The following EYS variants were observed in gnomAD, a reference collection of about 807,000 sequenced individuals.
EYS encodes protein eyes shut homolog.
EYS carries 250 observed loss-of-function variants against 282.1 expected under a neutral mutation model. The observed-to-expected ratio is 0.89, with a 90% CI of 0.80 to 0.98. The LOEUF is 0.98. Ranked by LOEUF, EYS falls within the 50% of genes least tolerant of loss-of-function variation. EYS has a pLI of 0.00. For synonymous variants in EYS, 1,355 were observed against 1,282.9 expected, an observed-to-expected ratio of 1.06 and a Z score of -1.20; for missense variants, 4,016 against 3,709.0, an observed-to-expected ratio of 1.08 and a Z score of -2.15.
intron 14 of EYS, among the ~76,000 whole-genome samples, chr6:64,973,284 T>G (rs981558300): frequency 6.6e-5 from 10 of 152,044 alleles, no homozygotes; most frequent in Non-Finnish European, 5.9e-5. Flanking sequence ...TTCTATGTAC[T>G]AGGCACTAGC....
At chr6:65,529,243 C>G (rs1310950192) in intron 2 of EYS, among the ~76,000 whole-genome samples, 1 of 152,104 alleles carries the variant, frequency 6.6e-6, no homozygotes, top group Non-Finnish European at 1.5e-5. Context: ...AAAATTATCT[C>G]AACCTTATGA....
At chr6:64,498,020 G>T (rs947775380) in intron 26 of EYS, among the ~76,000 whole-genome samples, 3 of 152,126 alleles carry the variant, frequency 2.0e-5, no homozygotes, top group Non-Finnish European at 2.9e-5. Flanking sequence ...GGTATAGTTA[G>T]AGTTAATGAT....
intron 30 of EYS, among the ~76,000 whole-genome samples, chr6:64,248,822 A>C (rs2150347332): frequency 6.6e-6 from 1 of 152,212 alleles, no homozygotes; most frequent in South Asian, 2.1e-4. Flanking sequence ...TGGGGGACCA[A>C]GGCAGGCGAA....
At chr6:64,854,725 T>G (rs1310773175) in intron 19 of EYS, among the ~76,000 whole-genome samples, 1 of 152,088 alleles carries the variant, frequency 6.6e-6, no homozygotes, top group African/African-American at 2.4e-5. Context: ...ACATGTACCC[T>G]AACAGTTAAA....
intron 15 of EYS, among the ~76,000 whole-genome samples, chr6:64,930,461 T>TAAAAAAAAAAAAAAAAAA (rs55650031): frequency 1.6e-5 from 2 of 123,032 alleles, no homozygotes; most frequent in Non-Finnish European, 1.7e-5. Context: ...ATAAATAAGG[T>TAAAAAAAAAAAAAAAAAA]AAAAAAAAAA....
intron 13 of EYS, among the ~76,000 whole-genome samples, chr6:65,020,131 C>A (rs1772203211): frequency 6.6e-6 from 1 of 152,044 alleles, no homozygotes; most frequent in Non-Finnish European, 1.5e-5. Context: ...TGGCCCCTCC[C>A]AAATCTCATG....
At chr6:64,310,944 C>T (rs574450635) in intron 29 of EYS, among the ~76,000 whole-genome samples, 103 of 151,968 alleles carry the variant, frequency 6.8e-4, no homozygotes, top group African/African-American at 2.5e-3. Context: ...TTCTGTAAGG[C>T]TAAATTTATC....
At chr6:65,056,848 A>C (rs1445059240) in intron 13 of EYS, among the ~76,000 whole-genome samples, 7 of 152,206 alleles carry the variant, frequency 4.6e-5, no homozygotes, top group Non-Finnish European at 1.0e-4. Flanking sequence ...CAACTAAATG[A>C]GCTAGATATA....
intron 2 of EYS, among the ~76,000 whole-genome samples, chr6:65,500,970 T>C (rs1195560379): frequency 2.0e-5 from 3 of 152,092 alleles, no homozygotes; most frequent in East Asian, 1.9e-4. Flanking sequence ...TACTTACAAA[T>C]GTATAATTTT....
intron 28 of EYS, among the ~76,000 whole-genome samples, chr6:64,411,065 T>G (rs996231272): frequency 4.6e-5 from 7 of 152,036 alleles, no homozygotes; most frequent in Admixed American, 3.3e-4. Flanking sequence ...CATTACAAAG[T>G]GTATGTGTGG....
At chr6:65,625,250 C>T (rs1766652372) in intron 2 of EYS, among the ~76,000 whole-genome samples, 1 of 152,184 alleles carries the variant, frequency 6.6e-6, no homozygotes, top group African/African-American at 2.4e-5. Flanking sequence ...CCCGAAAAGC[C>T]ATGGTACTCT....
chr6:64,757,687 T>C lies in EYS; in HGVS notation c.3443+55691A>G, dbSNP rs4529282. On this transcript the variant is annotated intron_variant, in intron 22 of 42. Transcript: ENST00000503581. ...TGTCTTCTCACTCCACCTGTTCTGTTCCTTCTTTTACTGCACAGCTACATC... is the reference window on the plus strand; with the variant it reads ...TGTCTTCTCACTCCACCTGTTCTGTCCCTTCTTTTACTGCACAGCTACATC... Among the ~76,000 whole-genome samples, 801 of 152,222 alleles carry C rather than the reference T, an allele frequency of 5.3e-3. 11 individuals are homozygous for C. The highest frequency in any genetic ancestry group is 0.018 in the African/African-American group (755 of 41,538).
chr6:64,806,342 T>C (rs1488182581), intron 22 of EYS, among the ~76,000 whole-genome samples: 1 of 151,972 alleles, frequency 6.6e-6, no homozygotes, highest in Non-Finnish European at 1.5e-5. Flanking sequence ...TAACTTCTCT[T>C]AGTCTTTATT....
chr6:63,731,655 T>C (rs1582150969), intron 41 of EYS, among the ~76,000 whole-genome samples: 1 of 152,308 alleles, frequency 6.6e-6, no homozygotes, highest in South Asian at 2.1e-4. Context: ...TAAATTTGTA[T>C]GTTTTTAAAT....
At chr6:64,948,668 AT>A (rs1480461407) in intron 14 of EYS, among the ~76,000 whole-genome samples, 1 of 149,560 alleles carries the variant, frequency 6.7e-6, no homozygotes, top group Non-Finnish European at 1.5e-5. Flanking sequence ...GTAAAATACT[AT>A]TTTTAAAAGC....
chr6:65,320,657 ATGT>A (rs1384373957), intron 11 of EYS, among the ~76,000 whole-genome samples: 1 of 152,310 alleles, frequency 6.6e-6, no homozygotes, highest in East Asian at 1.9e-4. Context: ...TCAGAAGGAC[ATGT>A]TGTCCTTCTG....
At chr6:65,473,345 C>A (rs1471498536) in intron 5 of EYS, among the ~76,000 whole-genome samples, 2 of 151,740 alleles carry the variant, frequency 1.3e-5, no homozygotes, top group South Asian at 4.2e-4. Context: ...ACCCAAAAAT[C>A]TTGGAGAATT....
intron 28 of EYS, among the ~76,000 whole-genome samples, chr6:64,396,634 T>C (rs1286398761): frequency 2.6e-5 from 4 of 152,102 alleles, no homozygotes; most frequent in Non-Finnish European, 5.9e-5. Flanking sequence ...TTTTTCTCTA[T>C]GGAAATCCAA....
At chr6:64,104,256 GGAGAAATCAGGAAGGC>G (rs1772929253) in intron 31 of EYS, among the ~76,000 whole-genome samples, 3 of 152,132 alleles carry the variant, frequency 2.0e-5, no homozygotes, top group African/African-American at 7.2e-5. Flanking sequence ...GATGGGAGAA[GGAGAAATCAGGAAGGC>G]AGGAAATAAG....
Sources: gnomAD v4.1 joint callset for allele counts (sites outside exome capture counted in the v4.1 genomes callset) on GRCh38, gnomAD v4.1.1 for gene constraint, MANE v1.5 for transcripts, NCBI Gene and HGNC (gene_info 2026-07-23, HGNC 2026-07-21) for gene names.